MOB3B: variants seen among roughly 807,000 people sequenced by gnomAD.
MOB3B encodes the protein MOB kinase activator 3B.
MOB3B carries 7 observed loss-of-function variants against 18.7 expected under a neutral mutation model. That is an observed-to-expected ratio of 0.37 (90% CI 0.21 to 0.70). MOB3B has a LOEUF of 0.70. Ranked by LOEUF, MOB3B falls within the 30% of genes least tolerant of loss-of-function variation. MOB3B has a pLI of 0.52. For synonymous variants in MOB3B, 111 were observed against 99.9 expected, an observed-to-expected ratio of 1.11 and a Z score of -0.66; for missense variants, 253 against 281.3, an observed-to-expected ratio of 0.90 and a Z score of 0.72.
chr9:27,476,529 C>T lies in MOB3B; in HGVS notation c.-198-20781G>A, dbSNP rs550717482. 2.6e-3 allele frequency among the ~76,000 whole-genome samples: 400 copies of T among 152,260 alleles called. 1 individual carries two copies. The highest frequency in any genetic ancestry group is 8.0e-3 in the African/African-American group (332 of 41,538). Reference sequence around the variant, plus strand: ...AGAGGCCCACCCGACTCCAGTATGACCTCATGTTAACTGATTATTTTCTGC... The same window carrying T: ...AGAGGCCCACCCGACTCCAGTATGATCTCATGTTAACTGATTATTTTCTGC... On this transcript the variant is annotated intron_variant, in intron 1 of 3. Coordinates refer to ENST00000262244, the MANE Select transcript of MOB3B (RefSeq NM_024761.5).
intron 2 of MOB3B, among the ~76,000 whole-genome samples, chr9:27,454,200 C>T (rs1822835202): frequency 6.6e-6 from 1 of 152,198 alleles, no homozygotes; most frequent in Non-Finnish European, 1.5e-5. Context: ...CACATCCTAC[C>T]CCAATCTAGA....
At chr9:27,362,944 G>A (rs55959983) in intron 2 of MOB3B, among the ~76,000 whole-genome samples, 1 of 152,288 alleles carries the variant, frequency 6.6e-6, no homozygotes, top group Non-Finnish European at 1.5e-5. Context: ...CCCTTCAGAT[G>A]GCGAGACCTC....
At chr9:27,401,314 G>A (rs1229899249) in intron 2 of MOB3B, among the ~76,000 whole-genome samples, 2 of 151,902 alleles carry the variant, frequency 1.3e-5, no homozygotes, top group Admixed American at 6.5e-5. Context: ...AATGGCTCAC[G>A]ACTAACAACT....
chr9:27,468,609 G>C (rs1372245756), intron 1 of MOB3B, among the ~76,000 whole-genome samples: 1 of 152,106 alleles, frequency 6.6e-6, no homozygotes, highest in Admixed American at 6.6e-5. Flanking sequence ...TCACATGTCT[G>C]GCCCCTCCAT....
At chr9:27,395,482 G>T (rs1264076684) in intron 2 of MOB3B, among the ~76,000 whole-genome samples, 1 of 152,072 alleles carries the variant, frequency 6.6e-6, no homozygotes, top group Non-Finnish European at 1.5e-5. Context: ...TGATAGGTTG[G>T]TATGCCCCAG....
At chr9:27,390,571 T>G (rs2131381655) in intron 2 of MOB3B, among the ~76,000 whole-genome samples, 1 of 152,350 alleles carries the variant, frequency 6.6e-6, no homozygotes, top group South Asian at 2.1e-4. Context: ...ACAGGGTAAC[T>G]GGCAGACAGG....
chr9:27,429,494 T>C (rs889267136), intron 2 of MOB3B, among the ~76,000 whole-genome samples: 1 of 152,172 alleles, frequency 6.6e-6, no homozygotes, highest in Non-Finnish European at 1.5e-5. Context: ...TTCAAAATGA[T>C]AAATAGCTAA....
intron 1 of MOB3B, among the ~76,000 whole-genome samples, chr9:27,456,429 C>T (rs1822872167): frequency 6.6e-6 from 1 of 152,076 alleles, no homozygotes; most frequent in African/African-American, 2.4e-5. Context: ...GCCTAAGTGG[C>T]CACAGAGAGA....
intron 1 of MOB3B, among the ~76,000 whole-genome samples, chr9:27,474,667 A>G (rs1819525666): frequency 6.6e-6 from 1 of 152,228 alleles, no homozygotes; most frequent in Admixed American, 6.5e-5. Flanking sequence ...AGAAGGGAAG[A>G]GACATTCATG....
At chr9:27,432,481 C>A (rs778185996) in intron 2 of MOB3B, among the ~76,000 whole-genome samples, 3 of 152,116 alleles carry the variant, frequency 2.0e-5, no homozygotes, top group Non-Finnish European at 4.4e-5. Flanking sequence ...TCTTTCTATG[C>A]CCTGCAATGC....
At chr9:27,426,672 A>C (rs779415566) in intron 2 of MOB3B, among the ~76,000 whole-genome samples, 1 of 152,206 alleles carries the variant, frequency 6.6e-6, no homozygotes, top group Non-Finnish European at 1.5e-5. Flanking sequence ...AGAATAATAC[A>C]TGACACTGTC....
intron 1 of MOB3B, among the ~76,000 whole-genome samples, chr9:27,473,830 C>A (rs10738773): frequency 1.1e-3 from 170 of 152,094 alleles, no homozygotes; most frequent in African/African-American, 3.7e-3. Context: ...CTGATAGCAG[C>A]CACAGTGCAA....
intron 1 of MOB3B, among the ~76,000 whole-genome samples, chr9:27,468,754 G>A (rs185216255): frequency 9.2e-5 from 14 of 152,244 alleles, no homozygotes; most frequent in East Asian, 1.9e-4. Context: ...ATCAAATACC[G>A]CACAGATAAA....
At chr9:27,440,496 G>C (rs1822576961) in intron 2 of MOB3B, among the ~76,000 whole-genome samples, 1 of 151,812 alleles carries the variant, frequency 6.6e-6, no homozygotes. Context: ...TGACTACTCT[G>C]ACCTGGATAT....
chr9:27,364,806 A>G (rs1821319958), intron 2 of MOB3B, among the ~76,000 whole-genome samples: 1 of 152,196 alleles, frequency 6.6e-6, no homozygotes, highest in Non-Finnish European at 1.5e-5. Flanking sequence ...TATCCCATTG[A>G]CCAAATGGTC....
intron 2 of MOB3B, among the ~76,000 whole-genome samples, chr9:27,444,242 A>AAGGAAGGAAGGAAGGAGGGAGGGAGGGAG (rs1822650198): frequency 1.4e-5 from 1 of 73,444 alleles, no homozygotes; most frequent in African/African-American, 5.9e-5. Context: ...GAGGGAGGGA[A>AAGGAAGGAAGGAAGGAGGGAGGGAGGGAG]GGAAGGAAGG....
chr9:27,437,611 T>G (rs1822530600), intron 2 of MOB3B, among the ~76,000 whole-genome samples: 2 of 152,240 alleles, frequency 1.3e-5, no homozygotes, highest in Non-Finnish European at 1.5e-5. Context: ...AATGTCTCCC[T>G]TCAACTGCTA....
At chr9:27,365,604 C>G (rs1821332817) in intron 2 of MOB3B, among the ~76,000 whole-genome samples, 1 of 152,118 alleles carries the variant, frequency 6.6e-6, no homozygotes, top group Non-Finnish European at 1.5e-5. Flanking sequence ...TACAAGATCT[C>G]TAAGTGATTT....
At chr9:27,391,107 A>C (rs1052065578) in intron 2 of MOB3B, among the ~76,000 whole-genome samples, 5 of 152,216 alleles carry the variant, frequency 3.3e-5, no homozygotes, top group African/African-American at 9.6e-5. Flanking sequence ...TCAGGCAGAG[A>C]AGTAGAGAAG....
Sources: gnomAD v4.1 joint callset for allele counts (sites outside exome capture counted in the v4.1 genomes callset) on GRCh38, gnomAD v4.1.1 for gene constraint, MANE v1.5 for transcripts, NCBI Gene and HGNC (gene_info 2026-07-23, HGNC 2026-07-21) for gene names.